The following DNAH11 variants were observed in gnomAD, a reference collection of about 807,000 sequenced individuals.
The protein encoded by DNAH11 is dynein axonemal heavy chain 11.
DNAH11 carries 442 observed loss-of-function variants against 526.0 expected under a neutral mutation model. The observed-to-expected ratio is 0.84, with a 90% confidence interval of 0.78 to 0.91. The LOEUF (loss-of-function observed/expected upper bound fraction) is 0.91. Ranked by LOEUF, DNAH11 falls within the 40% of genes least tolerant of loss-of-function variation. The pLI is 0.00. For missense variants in DNAH11, 6,989 were observed against 5,448.7 expected (o/e 1.28, Z -8.90); for synonymous variants, 2,461 against 1,935.9 (o/e 1.27, Z -7.12).
chr7:21,659,353 G>T lies in DNAH11; in HGVS notation c.5328+322G>T, dbSNP rs890316488. On this transcript the variant is annotated intron_variant, in intron 30 of 81. Transcript: ENST00000409508. ...ATCATGTATTTATTAGAAAATATGTGCATGATTTGCATTATTCAAAATGGT... is the reference window on the plus strand; with the variant it reads ...ATCATGTATTTATTAGAAAATATGTTCATGATTTGCATTATTCAAAATGGT... Among the ~76,000 whole-genome samples, 86 of 151,112 alleles carry T rather than the reference G, an allele frequency of 5.7e-4. 1 individual carries two copies. The highest frequency in any genetic ancestry group is 2.1e-3 in the African/African-American group (85 of 41,122).
intron 36 of DNAH11, among the ~76,000 whole-genome samples, chr7:21,702,376 GA>G (rs936475878): frequency 1.6e-4 from 25 of 152,172 alleles, no homozygotes; most frequent in African/African-American, 6.0e-4. Flanking sequence ...GGTTGGAGGT[GA>G]AAACGGGGAA....
chr7:21,663,798 T>A (rs1192110495), intron 30 of DNAH11, among the ~76,000 whole-genome samples: 1 of 151,836 alleles, frequency 6.6e-6, no homozygotes, highest in African/African-American at 2.4e-5. Flanking sequence ...TCATTGTGTA[T>A]ATTTGCCATA....
At chr7:21,840,222 G>A (rs1782152198) in intron 65 of DNAH11, among the ~76,000 whole-genome samples, 2 of 152,304 alleles carry the variant, frequency 1.3e-5, no homozygotes, top group South Asian at 2.1e-4. Context: ...AGCCCTGTCT[G>A]AATGCGATAG....
chr7:21,877,365 A>G (rs1783754403), intron 74 of DNAH11, among the ~76,000 whole-genome samples: 1 of 152,108 alleles, frequency 6.6e-6, no homozygotes, highest in African/African-American at 2.4e-5. Context: ...GTATGCCACT[A>G]TGCCTGGCTA....
chr7:21,802,113 C>A (rs1045336912), intron 62 of DNAH11, among the ~76,000 whole-genome samples: 1 of 152,160 alleles, frequency 6.6e-6, no homozygotes, highest in South Asian at 2.1e-4. Flanking sequence ...ACATAATGTA[C>A]GTTCAAGTAT....
intron 66 of DNAH11, among the ~76,000 whole-genome samples, chr7:21,849,038 G>A (rs993457658): frequency 2.8e-4 from 42 of 152,014 alleles, no homozygotes; most frequent in African/African-American, 6.0e-4. Flanking sequence ...GGCATGTACC[G>A]CCATGCCCAG....
Position 21,687,221 on chromosome 7 carries a change from A to T in DNAH11, c.5744A>T (p.Tyr1915Phe). ...GGACGTGCCCTTGGCATGATGGTCT[A>T]TGTATTCAACTGTTCAGAGCAAATG... ...DLGRALGMMV[Y>F]VFNCSEQMDY... is the part of the protein sequence containing the mutation. The change falls in exon 33 of 82, where the codon TAT becomes TTT. Residue 1915 changes from tyrosine (Y) to phenylalanine (F), a missense_variant. Tyr to Phe is a conservative substitution (Grantham distance 22). Transcript: ENST00000409508. 6.2e-7 allele frequency: 1 copy of T among 1,605,326 alleles called. No individual in the cohort carries two copies. The highest frequency in any genetic ancestry group is 1.1e-5 in the South Asian group (1 of 89,182).
At chr7:21,582,171 G>T (rs1203651500) in intron 9 of DNAH11, 150 bp downstream of exon 9, 1 of 582,676 alleles carries the variant, frequency 1.7e-6, no homozygotes, top group South Asian at 2.4e-5. Context: ...AATAAACTTT[G>T]AATAGTGTAC....
intron 61 of DNAH11, among the ~76,000 whole-genome samples, chr7:21,800,453 G>T (rs1369217035): frequency 6.6e-6 from 1 of 152,048 alleles, no homozygotes; most frequent in East Asian, 1.9e-4. Context: ...CCAACATGGC[G>T]AAACCTCATC....
At chr7:21,600,407 A>G (rs183412085) in intron 15 of DNAH11, among the ~76,000 whole-genome samples, 35 of 152,258 alleles carry the variant, frequency 2.3e-4, no homozygotes, top group Middle Eastern at 3.4e-3. Context: ...GCAGTGAGCT[A>G]TGATTAAGCC....
At chr7:21,653,865 T>C (rs1211009669) in intron 28 of DNAH11, among the ~76,000 whole-genome samples, 1 of 152,224 alleles carries the variant, frequency 6.6e-6, no homozygotes, top group Non-Finnish European at 1.5e-5. Context: ...AAAGATTAAA[T>C]CACCCTAAGG....
intron 68 of DNAH11, among the ~76,000 whole-genome samples, chr7:21,857,414 A>G (rs1782893544): frequency 6.6e-6 from 1 of 152,210 alleles, no homozygotes; most frequent in African/African-American, 2.4e-5. Context: ...GATTCAATTC[A>G]GTCCCAATCA....
Position 21,702,695 on chromosome 7 carries a change from C to G in DNAH11, c.6181-15C>G, listed in dbSNP as rs1240016068. 1 of 1,609,136 alleles carries G rather than the reference C, an allele frequency of 6.2e-7. No homozygotes were observed. The highest frequency in any genetic ancestry group is 1.7e-5 in the Admixed American group (1 of 59,780). ...TCATACAATTTTTGAGAAAATAAAC[C>G]TGTTTTGATTTTAGGATCATTACGA... On this transcript the variant is annotated splice_polypyrimidine_tract_variant and intron_variant, in intron 36 of 81. Coordinates refer to ENST00000409508, the MANE Select transcript of DNAH11 (RefSeq NM_001277115.2).
rs1788380441 is a variant in DNAH11, at chr7:21,789,817, T to TTTCTTTCA, written c.10026+482_10026+483insATTCTTTC. On this transcript the variant is annotated intron_variant, in intron 61 of 81. Transcript: ENST00000409508. ...TCTTTCTTTCTTTCTTTTTTCTTTC[T>TTTCTTTCA]TTCTTTCTTTCTTTCTTTCTTTCTT... 8.6e-5 allele frequency among the ~76,000 whole-genome samples: 6 copies of TTTCTTTCA among 69,532 alleles called. No homozygotes were observed. The East Asian group carries it at 2.4e-3, about 28-fold the overall frequency. The allele number at this position is 69,532 out of a possible 152,430, so 45.6% of individuals were successfully genotyped here. A position where few individuals can be genotyped will look rare whatever the true frequency, so the allele number is the denominator to read the frequency against.
At chr7:21,820,854 G>A (rs185675347) in intron 65 of DNAH11, among the ~76,000 whole-genome samples, 5 of 152,250 alleles carry the variant, frequency 3.3e-5, no homozygotes, top group African/African-American at 7.2e-5. Flanking sequence ...AAGTCAGTGG[G>A]GAAGCTAGTA....
intron 30 of DNAH11, among the ~76,000 whole-genome samples, 189 bp from the exon 31 acceptor site, chr7:21,681,357 G>A (rs372273908): frequency 2.0e-5 from 3 of 151,934 alleles, no homozygotes; most frequent in South Asian, 2.1e-4. Context: ...AACCCAGGAC[G>A]CAGAGGTTGC....
At chr7:21,756,693 A>G (rs753324360) in intron 54 of DNAH11, among the ~76,000 whole-genome samples, 1 of 152,144 alleles carries the variant, frequency 6.6e-6, no homozygotes, top group Non-Finnish European at 1.5e-5. Context: ...TCCCAAAACA[A>G]AGGATATTTT....
intron 8 of DNAH11, among the ~76,000 whole-genome samples, chr7:21,572,706 C>T (rs1317890086): frequency 6.6e-6 from 1 of 152,152 alleles, no homozygotes; most frequent in Non-Finnish European, 1.5e-5. Flanking sequence ...TTGAAGTGTA[C>T]GAGTGCAGTA....
At chr7:21,726,036 A>C in intron 45 of DNAH11, 52 bp downstream of exon 45, 1 of 1,444,270 alleles carries the variant, frequency 6.9e-7, no homozygotes, top group Non-Finnish European at 9.2e-7. Flanking sequence ...TATTGCTATA[A>C]AAAATACCTG....
Sources: gnomAD v4.1 joint callset for allele counts (sites outside exome capture counted in the v4.1 genomes callset) on GRCh38, gnomAD v4.1.1 for gene constraint, MANE v1.5 for transcripts, NCBI Gene and HGNC (gene_info 2026-07-23, HGNC 2026-07-21) for gene names.